The following PTPRM variants were observed in gnomAD, a reference collection of about 807,000 sequenced individuals.
The protein encoded by PTPRM is protein tyrosine phosphatase receptor type M.
A neutral mutation model predicts 186.7 loss-of-function variants in PTPRM; 47 were observed. That is an observed-to-expected ratio of 0.25 (90% CI 0.20 to 0.32). The LOEUF (loss-of-function observed/expected upper bound fraction) is 0.32. PTPRM is among the 10% of genes least tolerant of loss of function. The probability of loss-of-function intolerance (pLI) is 1.00; values close to 1 mark genes in which losing one functional copy is unlikely to be tolerated. For missense variants in PTPRM, 1,494 were observed against 1,865.0 expected (o/e 0.80, Z 3.66); for synonymous variants, 668 against 674.9 (o/e 0.99, Z 0.16).
chr18:8,330,966 G>T (rs2095409115), intron 22 of PTPRM, among the ~76,000 whole-genome samples: 1 of 152,090 alleles, frequency 6.6e-6, no homozygotes, highest in Non-Finnish European at 1.5e-5. Flanking sequence ...GCATATTGTT[G>T]CCACACACTA....
chr18:7,873,202 T>C (rs1252441648), intron 2 of PTPRM, among the ~76,000 whole-genome samples: 1 of 152,222 alleles, frequency 6.6e-6, no homozygotes, highest in African/African-American at 2.4e-5. Flanking sequence ...GAATAGCTCA[T>C]GTAATTTGAG....
chr18:8,024,491 T>A (rs543980378), intron 7 of PTPRM, among the ~76,000 whole-genome samples: 1 of 152,076 alleles, frequency 6.6e-6, no homozygotes. Flanking sequence ...TGAACAAAAG[T>A]GCTTTTGGCT....
At chr18:7,579,632 G>A (rs1408105101) in intron 1 of PTPRM, among the ~76,000 whole-genome samples, 1 of 152,202 alleles carries the variant, frequency 6.6e-6, no homozygotes, top group Non-Finnish European at 1.5e-5. Flanking sequence ...ACTCTGGAAT[G>A]TTTAGAATAT....
chr18:8,132,923 C>T lies in PTPRM; in HGVS notation c.2168-10724C>T, dbSNP rs570310966. ...GGATTTTGTCTTAGTCTGTTTTCTG[C>T]AGCTGTAACAGAATACCACAAATCA... On this transcript the variant is annotated intron_variant, in intron 13 of 32. Coordinates refer to ENST00000580170, the MANE Select transcript of PTPRM (RefSeq NM_001105244.2). 1.1e-4 allele frequency among the ~76,000 whole-genome samples: 16 copies of T among 152,248 alleles called. No individual in the cohort carries two copies. The South Asian group carries it at 3.3e-3, about 32-fold the overall frequency.
At chr18:7,780,339 C>T (rs749398170) in intron 2 of PTPRM, among the ~76,000 whole-genome samples, 25 of 152,186 alleles carry the variant, frequency 1.6e-4, no homozygotes, top group Admixed American at 2.6e-4. Flanking sequence ...CATGGCACAA[C>T]GACAGCCTTC....
intron 7 of PTPRM, among the ~76,000 whole-genome samples, chr18:8,019,561 C>T (rs576493687): frequency 1.3e-5 from 2 of 151,840 alleles, no homozygotes; most frequent in East Asian, 1.9e-4. Context: ...GAAAAGAAAA[C>T]ATTTTTTATT....
intron 1 of PTPRM, among the ~76,000 whole-genome samples, chr18:7,745,295 G>A (rs1439307623): frequency 2.6e-5 from 4 of 152,172 alleles, no homozygotes; most frequent in African/African-American, 9.7e-5. Context: ...GAAGTCATGA[G>A]AGGACTTCTA....
At chr18:7,970,571 GC>G (rs1267253343) in intron 7 of PTPRM, among the ~76,000 whole-genome samples, 1 of 48,818 alleles carries the variant, frequency 2.0e-5, no homozygotes, top group Non-Finnish European at 3.8e-5. Flanking sequence ...CATTGTCTCA[GC>G]CCAAAATCTC....
intron 23 of PTPRM, among the ~76,000 whole-genome samples, chr18:8,348,383 C>T (rs1236063618): frequency 5.9e-5 from 9 of 152,328 alleles, no homozygotes; most frequent in Admixed American, 5.2e-4. Context: ...TTCCCTCCAG[C>T]GGGGTCCCCG....
chr18:7,663,336 C>G (rs896858813), intron 1 of PTPRM, among the ~76,000 whole-genome samples: 1 of 152,158 alleles, frequency 6.6e-6, no homozygotes, highest in Non-Finnish European at 1.5e-5. Context: ...GGACTTCATT[C>G]ATTTATTGGG....
At chr18:8,067,167 G>A (rs2089144981) in intron 7 of PTPRM, among the ~76,000 whole-genome samples, 1 of 152,132 alleles carries the variant, frequency 6.6e-6, no homozygotes, top group African/African-American at 2.4e-5. Flanking sequence ...TTAGGAAAAT[G>A]CGTTAGAACA....
chr18:8,037,410 G>A (rs938200193), intron 7 of PTPRM, among the ~76,000 whole-genome samples: 9 of 152,008 alleles, frequency 5.9e-5, no homozygotes, highest in Admixed American at 6.6e-5. Context: ...CTTTTTAAAC[G>A]TGATTTTACT....
At chr18:8,081,927 A>G (rs886287921) in intron 9 of PTPRM, among the ~76,000 whole-genome samples, 1 of 152,154 alleles carries the variant, frequency 6.6e-6, no homozygotes, top group South Asian at 2.1e-4. Flanking sequence ...TCAAAGGGCT[A>G]TGACTGGAAG....
At chr18:7,989,104 T>A (rs982943616) in intron 7 of PTPRM, among the ~76,000 whole-genome samples, 1 of 152,198 alleles carries the variant, frequency 6.6e-6, no homozygotes. Flanking sequence ...AGTTGTAAAT[T>A]CACTCTATAT....
chr18:7,753,856 T>G (rs2041341579), intron 1 of PTPRM, among the ~76,000 whole-genome samples: 1 of 152,160 alleles, frequency 6.6e-6, no homozygotes, highest in Non-Finnish European at 1.5e-5. Context: ...ATTTTTTTTT[T>G]GGCTGTCTAC....
At chr18:7,859,963 A>G (rs1039565065) in intron 2 of PTPRM, among the ~76,000 whole-genome samples, 1 of 152,164 alleles carries the variant, frequency 6.6e-6, no homozygotes, top group Non-Finnish European at 1.5e-5. Context: ...GCAAAAGTAC[A>G]AGTGGAGGGC....
At chr18:7,824,602 C>A (rs1173268944) in intron 2 of PTPRM, among the ~76,000 whole-genome samples, 4 of 152,120 alleles carry the variant, frequency 2.6e-5, no homozygotes, top group African/African-American at 4.8e-5. Context: ...AACTACTAGA[C>A]TATTTCTATC....
intron 19 of PTPRM, chr18:8,270,060 A>G (rs1245478085): frequency 6.6e-6 from 1 of 152,068 alleles, no homozygotes; most frequent in Non-Finnish European, 1.5e-5. Context: ...GACATAAGCA[A>G]CAAAACCAAA....
At position 8,044,953 on chromosome 18, in the gene PTPRM, C is replaced by T. The variant is rs554728772; in HGVS notation, c.1133-24733C>T. ...ACTTCATAAAACAGTCTGACAGTTC[C>T]TCAGATGGTTAGACAGAATACCATC... is the stretch of plus-strand genomic sequence containing the variant. On this transcript the variant is annotated intron_variant, in intron 7 of 32. Coordinates refer to ENST00000580170, the MANE Select transcript of PTPRM (RefSeq NM_001105244.2). 2.9e-4 allele frequency among the ~76,000 whole-genome samples: 44 copies of T among 152,176 alleles called. 1 individual carries two copies. The highest frequency in any genetic ancestry group is 2.7e-3 in the South Asian group (13 of 4,816).
Sources: gnomAD v4.1 joint callset for allele counts (sites outside exome capture counted in the v4.1 genomes callset) on GRCh38, gnomAD v4.1.1 for gene constraint, MANE v1.5 for transcripts, NCBI Gene and HGNC (gene_info 2026-07-23, HGNC 2026-07-21) for gene names.